Variants in KLF12 observed in about 807,000 individuals in gnomAD.
The protein encoded by KLF12 is KLF transcription factor 12.
Under a neutral mutation model 37.8 loss-of-function variants are expected in KLF12, and 9 were observed. The ratio of observed to expected loss-of-function variants is 0.24; its 90% CI spans 0.14 to 0.42. KLF12 has a LOEUF of 0.42. Ranked by LOEUF, KLF12 falls within the 10% of genes least tolerant of loss-of-function variation. The pLI is 1.00. For missense variants in KLF12, 411 were observed against 516.0 expected (o/e 0.80, Z 1.97); for synonymous variants, 208 against 202.1 (o/e 1.03, Z -0.25).
At chr13:73,765,677 C>T (rs747974239) in intron 5 of KLF12, among the ~76,000 whole-genome samples, 6 of 152,140 alleles carry the variant, frequency 3.9e-5, no homozygotes, top group Admixed American at 1.3e-4. Flanking sequence ...CTTAAAGCTT[C>T]CGGGAACTGC....
At chr13:74,185,935 C>T in the KLF12 span, among the ~76,000 whole-genome samples, 743 of 152,222 alleles carry the variant, frequency 4.9e-3, 5 homozygotes, top group Admixed American at 0.018. Context: ...TCAGCCACTG[C>T]GACCGGCCAA....
upstream of KLF12, among the ~76,000 whole-genome samples, chr13:74,138,559 T>C (rs367713813): frequency 2.6e-5 from 4 of 152,274 alleles, no homozygotes; most frequent in African/African-American, 9.6e-5. Context: ...GTCTGCAAAT[T>C]AGGGGGAAAA....
chr13:74,242,766 C>T, the KLF12 span, among the ~76,000 whole-genome samples: 1 of 152,106 alleles, frequency 6.6e-6, no homozygotes, highest in Non-Finnish European at 1.5e-5. Context: ...GAAGGCGTGG[C>T]CCTATTTTTA....
At chr13:73,721,578 G>A (rs543410823) in intron 6 of KLF12, among the ~76,000 whole-genome samples, 80 of 152,276 alleles carry the variant, frequency 5.3e-4, no homozygotes, top group Non-Finnish European at 9.8e-4. Flanking sequence ...AAAGAGACAA[G>A]AACTCATTCT....
At chr13:73,891,347 T>C (rs2148746) in intron 3 of KLF12, among the ~76,000 whole-genome samples, 86,254 of 151,938 alleles carry the variant, frequency 0.57, 25,494 homozygotes, top group East Asian at 0.71. Flanking sequence ...CAGATAAAAA[T>C]TCCACTTGTT....
rs1036672268 is a variant in KLF12 at position 73,919,813 on chromosome 13, C to T, written c.123+24168G>A. ...ATTCCTCATGTGAGGTGTTCTAGTA[C>T]ATCAGGGTTGCCCTGCAACCCACTT... is the stretch of plus-strand genomic sequence containing the variant. On this transcript the variant is annotated intron_variant, in intron 3 of 7. Coordinates refer to ENST00000377669, the MANE Select transcript of KLF12 (RefSeq NM_007249.5). Among the ~76,000 whole-genome samples the T allele has an allele frequency of 2.6e-5, 4 of 152,182 alleles. No homozygotes were observed. In the South Asian group the frequency reaches 8.3e-4, roughly 31 times the overall value.
the KLF12 span, among the ~76,000 whole-genome samples, chr13:74,151,340 T>C: frequency 1.3e-5 from 2 of 152,108 alleles, no homozygotes; most frequent in Admixed American, 6.6e-5. Context: ...ATAAAAGCTG[T>C]ACAAGCCTCA....
chr13:74,280,215 T>G, the KLF12 span, among the ~76,000 whole-genome samples: 1 of 152,188 alleles, frequency 6.6e-6, no homozygotes, highest in Non-Finnish European at 1.5e-5. Flanking sequence ...CCTTTACACA[T>G]TAGGACACAG....
At chr13:74,086,970 G>A (rs1046068633) in intron 1 of KLF12, among the ~76,000 whole-genome samples, 6 of 152,160 alleles carry the variant, frequency 3.9e-5, no homozygotes, top group African/African-American at 1.4e-4. Context: ...TGAGTAGGGT[G>A]AGGAAGAGGA....
At chr13:74,151,212 A>G in the KLF12 span, among the ~76,000 whole-genome samples, 2 of 152,212 alleles carry the variant, frequency 1.3e-5, no homozygotes, top group Non-Finnish European at 2.9e-5. Flanking sequence ...TTTGAATGCT[A>G]GGTCTTGAGA....
intron 3 of KLF12, among the ~76,000 whole-genome samples, chr13:73,932,094 C>A (rs1593747176): frequency 6.6e-6 from 1 of 151,646 alleles, no homozygotes; most frequent in East Asian, 1.9e-4. Context: ...CCTTATTTAG[C>A]AGATAAAGGC....
At chr13:73,743,149 TG>T (rs1438100683) in intron 6 of KLF12, among the ~76,000 whole-genome samples, 1 of 152,230 alleles carries the variant, frequency 6.6e-6, no homozygotes, top group Non-Finnish European at 1.5e-5. Flanking sequence ...GAAAGCAGCA[TG>T]TAACATATCA....
intron 1 of KLF12, among the ~76,000 whole-genome samples, chr13:74,087,277 G>A (rs893573824): frequency 6.6e-6 from 1 of 152,064 alleles, no homozygotes; most frequent in Non-Finnish European, 1.5e-5. Flanking sequence ...ACCGAACGTC[G>A]ACACAGGTCC....
chr13:73,737,924 A>G (rs1175735417), intron 6 of KLF12, among the ~76,000 whole-genome samples: 1 of 151,756 alleles, frequency 6.6e-6, no homozygotes, highest in African/African-American at 2.4e-5. Context: ...AACCAACAAC[A>G]TCAAAATATG....
At chr13:73,765,065 A>T in intron 5 of KLF12, 65 bp from the exon 6 acceptor site, 1 of 949,056 alleles carries the variant, frequency 1.1e-6, no homozygotes, top group African/African-American at 1.6e-5. Flanking sequence ...ATTTAAAAAA[A>T]TGGCATGTTT....
intron 4 of KLF12, among the ~76,000 whole-genome samples, chr13:73,831,707 C>A (rs74095788): frequency 0.027 from 4,145 of 152,206 alleles, 133 homozygotes; most frequent in African/African-American, 0.078. Context: ...ACCCTCAGTG[C>A]CCCTACAGAT....
chr13:74,267,090 A>G, the KLF12 span, among the ~76,000 whole-genome samples: 4 of 152,198 alleles, frequency 2.6e-5, no homozygotes, highest in Non-Finnish European at 4.4e-5. Context: ...TACTTGCATA[A>G]TGATCTCATG....
chr13:73,720,223 A>G (rs1876136196), intron 6 of KLF12, among the ~76,000 whole-genome samples: 1 of 152,184 alleles, frequency 6.6e-6, no homozygotes, highest in South Asian at 2.1e-4. Context: ...AAGGGGTGTT[A>G]GGTAACAGAA....
chr13:74,277,605 G>T, the KLF12 span, among the ~76,000 whole-genome samples: 1 of 152,124 alleles, frequency 6.6e-6, no homozygotes, highest in Non-Finnish European at 1.5e-5. Flanking sequence ...ATGGCTCAGG[G>T]GCGGTAATCA....
Sources: gnomAD v4.1 joint callset for allele counts (sites outside exome capture counted in the v4.1 genomes callset) on GRCh38, gnomAD v4.1.1 for gene constraint, MANE v1.5 for transcripts, NCBI Gene and HGNC (gene_info 2026-07-23, HGNC 2026-07-21) for gene names.